The following DNER variants were observed in gnomAD, a reference collection of about 807,000 sequenced individuals.
DNER encodes delta/notch like EGF repeat containing, also known as delta and Notch-like epidermal growth factor-related receptor.
DNER carries 33 observed loss-of-function variants against 78.2 expected under a neutral mutation model. The observed-to-expected ratio is 0.42, with a 90% CI of 0.32 to 0.56. The LOEUF (loss-of-function observed/expected upper bound fraction) is 0.56, where lower values mean the gene tolerates loss of function less well. Among genes scored for constraint, DNER ranks in the 20% least tolerant of loss-of-function variants. The pLI is 0.11. For missense variants in DNER, 918 were observed against 975.3 expected, an observed-to-expected ratio of 0.94 and a Z score of 0.78; for synonymous variants, 417 against 384.8, an observed-to-expected ratio of 1.08 and a Z score of -0.98.
At chr2:229,698,785 T>C (rs1289419258) in intron 1 of DNER, among the ~76,000 whole-genome samples, 4 of 152,184 alleles carry the variant, frequency 2.6e-5, no homozygotes, top group East Asian at 1.9e-4. Flanking sequence ...TGGGGCCTCA[T>C]AGAAATGCTA....
At chr2:229,676,048 G>A (rs1699296326) in intron 1 of DNER, among the ~76,000 whole-genome samples, 2 of 152,216 alleles carry the variant, frequency 1.3e-5, no homozygotes, top group Non-Finnish European at 2.9e-5. Flanking sequence ...CTGGAAGGTG[G>A]CCATCCTGTT....
chr2:229,686,219 G>C (rs1344296082), intron 1 of DNER, among the ~76,000 whole-genome samples: 1 of 152,078 alleles, frequency 6.6e-6, no homozygotes, highest in Non-Finnish European at 1.5e-5. Flanking sequence ...CAGAATGGAG[G>C]CCATGTCTAT....
intron 4 of DNER, among the ~76,000 whole-genome samples, chr2:229,566,858 G>A (rs1697119568): frequency 6.6e-6 from 1 of 151,982 alleles, no homozygotes; most frequent in African/African-American, 2.4e-5. Context: ...AAATTAAGAT[G>A]CATATATTTT....
intron 11 of DNER, among the ~76,000 whole-genome samples, chr2:229,369,348 T>C: frequency 6.7e-6 from 1 of 149,706 alleles, no homozygotes; most frequent in Non-Finnish European, 1.5e-5. Flanking sequence ...AAAAAAGTTT[T>C]AACTTTCTAA....
chr2:229,474,448 T>C (rs1694990569), intron 7 of DNER, among the ~76,000 whole-genome samples: 2 of 152,164 alleles, frequency 1.3e-5, no homozygotes, highest in East Asian at 1.9e-4. Context: ...GTCTTTGTAG[T>C]GGAAAATTCA....
At chr2:229,416,524 T>TG (rs1018137539) in intron 9 of DNER, among the ~76,000 whole-genome samples, 1 of 152,000 alleles carries the variant, frequency 6.6e-6, no homozygotes, top group African/African-American at 2.4e-5. Context: ...CCACAAAAAA[T>TG]GGGGGGGCCA....
intron 5 of DNER, among the ~76,000 whole-genome samples, chr2:229,542,903 C>T (rs187045966): frequency 2.6e-5 from 4 of 152,016 alleles, no homozygotes; most frequent in East Asian, 1.9e-4. Context: ...ATGAAATGGA[C>T]GTGGTCATTC....
intron 11 of DNER, among the ~76,000 whole-genome samples, chr2:229,379,577 T>A (rs4972898): frequency 0.12 from 17,614 of 152,248 alleles, 1,792 homozygotes; most frequent in East Asian, 0.52. Context: ...TGACTTTTCA[T>A]CTATACTCTC....
chr2:229,409,362 T>C (rs1311568424), intron 9 of DNER, among the ~76,000 whole-genome samples: 2 of 152,142 alleles, frequency 1.3e-5, no homozygotes, highest in Non-Finnish European at 1.5e-5. Context: ...AGTTCAGAGG[T>C]GCCTGAAGCC....
chr2:229,469,509 C>T (rs910036382), intron 7 of DNER, among the ~76,000 whole-genome samples: 6 of 152,078 alleles, frequency 3.9e-5, no homozygotes, highest in African/African-American at 9.7e-5. Flanking sequence ...TACCCTCGCT[C>T]GATAGATGGG....
chr2:229,686,804 T>C (rs2154217281), intron 1 of DNER, among the ~76,000 whole-genome samples: 1 of 152,318 alleles, frequency 6.6e-6, no homozygotes, highest in Middle Eastern at 3.4e-3. Flanking sequence ...GTGGCTTTAA[T>C]TGTAGAAATT....
intron 11 of DNER, among the ~76,000 whole-genome samples, chr2:229,371,338 G>A (rs1215362650): frequency 1.3e-5 from 2 of 152,162 alleles, no homozygotes; most frequent in Admixed American, 1.3e-4. Flanking sequence ...CTCATCACAT[G>A]AATTGTTGAC....
chr2:229,469,516 TG>T (rs1237979527), intron 7 of DNER, among the ~76,000 whole-genome samples: 2 of 152,154 alleles, frequency 1.3e-5, no homozygotes, highest in Admixed American at 6.5e-5. Context: ...GCTCGATAGA[TG>T]GGGAAAATGA....
chr2:229,647,515 A>G (rs1698740271), intron 1 of DNER, among the ~76,000 whole-genome samples: 1 of 152,252 alleles, frequency 6.6e-6, no homozygotes, highest in South Asian at 2.1e-4. Context: ...TATTACAAAT[A>G]TCATAATTGT....
chr2:229,414,623 T>C (rs1362572836), intron 9 of DNER, among the ~76,000 whole-genome samples: 1 of 152,166 alleles, frequency 6.6e-6, no homozygotes, highest in South Asian at 2.1e-4. Context: ...CTTCAACACA[T>C]GGCTTTGTTT....
At chr2:229,488,392 T>C (rs935397209) in intron 6 of DNER, among the ~76,000 whole-genome samples, 8 of 152,238 alleles carry the variant, frequency 5.3e-5, no homozygotes. Context: ...GTACATGTTT[T>C]GTGTTTGTGT....
intron 1 of DNER, among the ~76,000 whole-genome samples, chr2:229,656,246 A>G (rs1302173331): frequency 6.6e-6 from 1 of 152,244 alleles, no homozygotes; most frequent in Non-Finnish European, 1.5e-5. Flanking sequence ...CCACATGGCC[A>G]GAAGCAGAAG....
At chr2:229,498,508 T>C (rs571938829) in intron 6 of DNER, among the ~76,000 whole-genome samples, 1 of 152,250 alleles carries the variant, frequency 6.6e-6, no homozygotes, top group Non-Finnish European at 1.5e-5. Context: ...ACCTTATATA[T>C]AGAAATTATT....
At chr2:229,385,117 A>G (rs1379297716) in intron 11 of DNER, among the ~76,000 whole-genome samples, 1 of 150,038 alleles carries the variant, frequency 6.7e-6, no homozygotes, top group African/African-American at 2.4e-5. Flanking sequence ...AAAAAAAAAA[A>G]GCTTATCCAC....
Sources: allele counts gnomAD v4.1 joint callset (sites outside exome capture counted in the v4.1 genomes callset), GRCh38; gene constraint gnomAD v4.1.1; transcripts MANE v1.5; gene names NCBI Gene and HGNC (gene_info 2026-07-23, HGNC 2026-07-21).